The following SFMBT2 variants were observed in gnomAD, a reference collection of about 807,000 sequenced individuals.
The protein encoded by SFMBT2 is Scm like with four mbt domains 2, also known as scm-like with four MBT domains protein 2.
SFMBT2 carries 38 observed loss-of-function variants against 110.1 expected under a neutral mutation model. That is an observed-to-expected ratio of 0.35 (90% confidence interval 0.27 to 0.45). The LOEUF (loss-of-function observed/expected upper bound fraction) is 0.45. SFMBT2 is among the 20% of genes least tolerant of loss of function. SFMBT2 has a pLI of 1.00. For missense variants in SFMBT2, 1,011 were observed against 1,094.9 expected (o/e 0.92, Z 1.08); for synonymous variants, 425 against 425.4 (o/e 1.00, Z 0.01).
intron 6 of SFMBT2, among the ~76,000 whole-genome samples, chr10:7,278,045 G>A (rs929249123): frequency 2.6e-5 from 4 of 152,148 alleles, no homozygotes; most frequent in African/African-American, 7.2e-5. Flanking sequence ...TGCACTGCCC[G>A]AAGTCATTGT....
At chr10:7,311,552 C>T (rs542819430) in intron 4 of SFMBT2, among the ~76,000 whole-genome samples, 90 of 152,344 alleles carry the variant, frequency 5.9e-4, no homozygotes, top group African/African-American at 2.1e-3. Flanking sequence ...TGCCAGCAGT[C>T]GCTCAGCTAC....
intron 4 of SFMBT2, among the ~76,000 whole-genome samples, chr10:7,357,733 C>T (rs535417309): frequency 6.6e-6 from 1 of 152,332 alleles, no homozygotes; most frequent in South Asian, 2.1e-4. Context: ...AACTGAAGGT[C>T]GTACTCACCA....
chr10:7,196,110 T>G (rs1347941635), intron 15 of SFMBT2, among the ~76,000 whole-genome samples: 1 of 152,172 alleles, frequency 6.6e-6, no homozygotes, highest in African/African-American at 2.4e-5. Context: ...ACCGAGGCTC[T>G]CGTGTGGAGG....
intron 11 of SFMBT2, chr10:7,215,724 T>C: frequency 1.0e-6 from 1 of 985,460 alleles, no homozygotes; most frequent in Non-Finnish European, 1.2e-6. Context: ...TTAAGCCCAC[T>C]GACTCAACTT....
chr10:7,242,567 AAC>A (rs1840467759), intron 9 of SFMBT2, among the ~76,000 whole-genome samples: 1 of 152,262 alleles, frequency 6.6e-6, no homozygotes, highest in African/African-American at 2.4e-5. Context: ...ATGACTGCAC[AAC>A]TTTAACCCAA....
At chr10:7,276,427 T>C (rs916384876) in intron 7 of SFMBT2, among the ~76,000 whole-genome samples, 30 of 152,312 alleles carry the variant, frequency 2.0e-4, no homozygotes, top group African/African-American at 7.0e-4. Flanking sequence ...ATTATGAAGA[T>C]TATTTTTTTA....
chr10:7,206,617 G>C, intron 11 of SFMBT2: 1 of 976,672 alleles, frequency 1.0e-6, no homozygotes, highest in Non-Finnish European at 1.2e-6. Flanking sequence ...CTAAAATGTG[G>C]GACCTGATGA....
chr10:7,204,433 T>C (rs1023439655), intron 12 of SFMBT2: 1 of 985,232 alleles, frequency 1.0e-6, no homozygotes, highest in African/African-American at 1.7e-5. Context: ...CGGAATCTCT[T>C]TAACAGTTAA....
chr10:7,267,308 G>A (rs1016162683), intron 7 of SFMBT2, among the ~76,000 whole-genome samples: 1 of 152,190 alleles, frequency 6.6e-6, no homozygotes, highest in Non-Finnish European at 1.5e-5. Flanking sequence ...ATAACCATGA[G>A]TGTAATGACT....
At chr10:7,368,919 T>C (rs1844989221) in intron 3 of SFMBT2, among the ~76,000 whole-genome samples, 1 of 152,150 alleles carries the variant, frequency 6.6e-6, no homozygotes, top group Non-Finnish European at 1.5e-5. Flanking sequence ...ATGATGAGTA[T>C]AAAGAGAAAT....
At position 7,172,037 on chromosome 10, in the gene SFMBT2, C is replaced by T. The variant is rs201053114; in HGVS notation, c.2273G>A (p.Arg758Gln). Residue 758 changes from arginine to glutamine, a missense_variant, in exon 19 of 21, where the codon CGG (arginine) becomes CAG (glutamine). This residue lies in a region of SFMBT2 where 979 missense variants were observed against 1,016.1 expected (regional missense o/e 0.96). Transcript: ENST00000397167. The surrounding 1 kb of genome is among the most constrained non-coding windows in gnomAD (Gnocchi z 4.6). ...GCCGCTCCGCAGGGTGACGGCCCTCCGGGGCCGGGCCGAGGGCACCTCCGC... is the reference window on the plus strand; with the variant it reads ...GCCGCTCCGCAGGGTGACGGCCCTCTGGGGCCGGGCCGAGGGCACCTCCGC... Reference protein sequence around the residue: ...SSAEVPSARPRRAVTLRSGSE... With the variant: ...SSAEVPSARPQRAVTLRSGSE... 1.3e-3 allele frequency: 2,113 copies of T among 1,589,916 alleles called. 16 individuals carry two copies. The highest frequency in any genetic ancestry group is 8.5e-3 in the South Asian group (748 of 88,310).
chr10:7,307,300 C>T (rs1162305703), intron 4 of SFMBT2, among the ~76,000 whole-genome samples: 1 of 152,050 alleles, frequency 6.6e-6, no homozygotes, highest in Admixed American at 6.5e-5. Flanking sequence ...CTATTCCAAT[C>T]CAAATCCCAA....
rs1351871965 is a variant in SFMBT2, at chr10:7,278,446, G to A, written c.773-1457C>T. On this transcript the variant is annotated intron_variant, in intron 6 of 20. Transcript: ENST00000397167. The stretch of plus-strand genomic sequence containing the variant: ...CATCCAAACCACGGAGAGACAGAAG[G>A]CCACTCAGGGGACCCCGGGGAGCAA... Among the ~76,000 whole-genome samples the A allele has an allele frequency of 3.9e-5, 6 of 152,244 alleles. No individual in the cohort carries two copies. The East Asian group carries it at 1.2e-3, about 29-fold the overall frequency.
chr10:7,333,393 T>C (rs1204727222), intron 4 of SFMBT2, among the ~76,000 whole-genome samples: 1 of 77,210 alleles, frequency 1.3e-5, no homozygotes, highest in Non-Finnish European at 2.2e-5. Flanking sequence ...GAGGCTTACC[T>C]TTTTTTTTTT....
intron 4 of SFMBT2, among the ~76,000 whole-genome samples, chr10:7,316,523 C>T (rs989029061): frequency 1.3e-5 from 2 of 152,124 alleles, no homozygotes; most frequent in African/African-American, 4.8e-5. Flanking sequence ...GGACGACAGG[C>T]CAGCCACGGG....
intron 1 of SFMBT2, among the ~76,000 whole-genome samples, chr10:7,391,113 A>G (rs1845752265): frequency 1.3e-5 from 2 of 151,772 alleles, no homozygotes; most frequent in African/African-American, 2.4e-5. Context: ...CAGTCAATCA[A>G]TCAATCAATC....
At chr10:7,244,860 T>C (rs1840558355) in intron 8 of SFMBT2, among the ~76,000 whole-genome samples, 1 of 152,236 alleles carries the variant, frequency 6.6e-6, no homozygotes, top group Non-Finnish European at 1.5e-5. Context: ...AAGGTTTGCC[T>C]GTGAAAGTCA....
At chr10:7,318,599 T>C (rs1394121588) in intron 4 of SFMBT2, among the ~76,000 whole-genome samples, 1 of 152,214 alleles carries the variant, frequency 6.6e-6, no homozygotes. Context: ...TAAATATGCC[T>C]TGAGCCACAA....
intron 1 of SFMBT2, among the ~76,000 whole-genome samples, chr10:7,402,029 C>G (rs995551882): frequency 1.3e-5 from 2 of 151,096 alleles, no homozygotes; most frequent in African/African-American, 4.9e-5. Context: ...ATAATGCAGA[C>G]AGGAGACGGA....
Sources: allele counts gnomAD v4.1 joint callset (sites outside exome capture counted in the v4.1 genomes callset), GRCh38; gene constraint gnomAD v4.1.1; regional missense constraint gnomAD v4.1.1; non-coding constraint Gnocchi (gnomAD v3.1); transcripts MANE v1.5; gene names NCBI Gene and HGNC (gene_info 2026-07-23, HGNC 2026-07-21).